The following ARHGEF2 variants were observed in gnomAD, a reference collection of about 807,000 sequenced individuals.
The protein encoded by ARHGEF2 is rho guanine nucleotide exchange factor 2.
Under a neutral mutation model 121.0 loss-of-function variants are expected in ARHGEF2, and 22 were observed. That is an observed-to-expected ratio of 0.18 (90% confidence interval 0.13 to 0.26). ARHGEF2 has a LOEUF of 0.26. Among genes scored for constraint, ARHGEF2 ranks in the 10% least tolerant of loss-of-function variants. The probability of loss-of-function intolerance (pLI) is 1.00; values close to 1 mark genes in which losing one functional copy is unlikely to be tolerated. For missense variants in ARHGEF2, 907 were observed against 1,336.0 expected (o/e 0.68, Z 5.01); for synonymous variants, 487 against 530.0 (o/e 0.92, Z 1.11).
chr1:155,950,359 G>A lies in ARHGEF2; in HGVS notation c.2827C>T (p.Pro943Ser). 6.2e-7 allele frequency: 1 copy of A among 1,613,918 alleles called. No individual in the cohort carries two copies. Among genetic ancestry groups the A allele is most frequent in the South Asian group, 1.1e-5 (1 of 91,086 alleles). ...CCTTCCTCCTCGCTGCCAGTGTCAG[G>A]GTCACTGCTGTCTTGCAGCCGCTCT... Reference protein sequence around the residue: ...PEERLQDSSDPDTGSEEEGSS... With the variant: ...PEERLQDSSDSDTGSEEEGSS... Residue 943 changes from proline to serine, a missense_variant, in exon 21 of 22, where the codon CCT (proline) becomes TCT (serine). Around this residue, in one of 2 missense-constraint regions of ARHGEF2, gnomAD observed 432 missense variants for 559.5 expected, o/e 0.77. Transcript: ENST00000361247. This position sits in a 1 kb window ranked among gnomAD's most constrained non-coding sequence, Gnocchi z 5.2.
chr1:155,950,525 T>G lies in ARHGEF2; in HGVS notation c.2704-43A>C. 6.3e-7 allele frequency: 1 copy of G among 1,590,530 alleles called. No individual in the cohort carries two copies. The highest frequency in any genetic ancestry group is 8.6e-7 in the Non-Finnish European group (1 of 1,162,050). On this transcript the variant is annotated intron_variant, in intron 20 of 21. Coordinates refer to ENST00000361247, the MANE Select transcript of ARHGEF2 (RefSeq NM_001162383.2). The surrounding 1 kb of genome is among the most constrained non-coding windows in gnomAD (Gnocchi z 5.2). ...GAAGAACAGCAGGTCAGGGACTGAG[T>G]AGTGTGAAGATTGGAGGTTCTGCTT...
intron 7 of ARHGEF2, 152 bp from the exon 8 acceptor site, chr1:155,963,335 CATTTTT>C (rs1678358408): frequency 2.2e-6 from 1 of 458,070 alleles, no homozygotes; most frequent in African/African-American, 2.1e-5. Context: ...CTTTTCTAAT[CATTTTT>C]ATCTTTTTTT....
intron 1 of ARHGEF2, among the ~76,000 whole-genome samples, chr1:155,975,703 G>A (rs375020438): frequency 1.3e-5 from 2 of 152,166 alleles, no homozygotes; most frequent in African/African-American, 4.8e-5. Context: ...AGAAATAGTC[G>A]CTCTGCACAC....
chr1:155,964,984 T>G lies in ARHGEF2; in HGVS notation c.724+4A>C. The G allele has an allele frequency of 6.2e-7, 1 of 1,613,538 alleles. No homozygotes were observed. Among genetic ancestry groups the G allele is most frequent in the Non-Finnish European group, 8.5e-7 (1 of 1,179,632 alleles). On this transcript the variant is annotated splice_donor_region_variant and intron_variant, in intron 7 of 21. Coordinates refer to ENST00000361247, the MANE Select transcript of ARHGEF2 (RefSeq NM_001162383.2). ...AGAGGAAGACTAGGGTGGTCTTGGCTTACCATAGATGACATCTTGCTGCTT... is the reference window on the plus strand; with the variant it reads ...AGAGGAAGACTAGGGTGGTCTTGGCGTACCATAGATGACATCTTGCTGCTT...
At chr1:155,954,653 C>T (rs1676311354) in intron 14 of ARHGEF2, among the ~76,000 whole-genome samples, 1 of 137,170 alleles carries the variant, frequency 7.3e-6, no homozygotes, top group African/African-American at 2.6e-5. Flanking sequence ...AAATCATACC[C>T]TAACTAATAT....
chr1:155,956,832 TGTA>T (rs1162466353), intron 13 of ARHGEF2, among the ~76,000 whole-genome samples: 1 of 145,122 alleles, frequency 6.9e-6, no homozygotes, highest in East Asian at 2.0e-4. Context: ...GGCGTGAGCC[TGTA>T]GTCCCAGCTA....
chr1:155,972,580 A>G (rs1680661068), intron 1 of ARHGEF2, among the ~76,000 whole-genome samples: 1 of 152,114 alleles, frequency 6.6e-6, no homozygotes, highest in African/African-American at 2.4e-5. Flanking sequence ...TTTACCTCCA[A>G]GACCCAACCT....
intron 2 of ARHGEF2, among the ~76,000 whole-genome samples, chr1:155,967,548 A>C (rs1679662983): frequency 6.6e-6 from 1 of 152,082 alleles, no homozygotes; most frequent in African/African-American, 2.4e-5. Context: ...GCTGGGCCTC[A>C]GCAGCTCCAA....
At chr1:155,968,198 CTTTCT>C (rs1327865571) in intron 2 of ARHGEF2, 94 of 95,896 alleles carry the variant, frequency 9.8e-4, no homozygotes, top group African/African-American at 3.1e-3. Context: ...GTTTTCTTTT[CTTTCT>C]TTTTTTTTTT....
chr1:155,975,863 C>A (rs1355783455), intron 1 of ARHGEF2, among the ~76,000 whole-genome samples: 2 of 151,986 alleles, frequency 1.3e-5, no homozygotes, highest in African/African-American at 4.8e-5. Flanking sequence ...AAGGGAAGAA[C>A]AGGGGACTAA....
At position 155,947,798 on chromosome 1, in the gene ARHGEF2, A is replaced by C; in HGVS notation, c.*144T>G. The C allele has an allele frequency of 1.7e-6, 1 of 587,048 alleles. No individual in the cohort carries two copies. The highest frequency in any genetic ancestry group is 2.9e-5 in the East Asian group (1 of 34,364). 36.4% of individuals were successfully genotyped at this position (587,048 alleles called of 1,614,324 possible). On this transcript the variant is annotated 3_prime_UTR_variant, in exon 22 of 22. Transcript: ENST00000361247. ...TTCCCCTAGCTTCTTAAATGGCCCC[A>C]GGTATCCAAGGATCCCAAGAGCTGG...
intron 1 of ARHGEF2, among the ~76,000 whole-genome samples, chr1:155,973,736 A>G (rs968450424): frequency 1.3e-5 from 2 of 150,518 alleles, no homozygotes; most frequent in Non-Finnish European, 3.0e-5. Context: ...ACAGAGCGAG[A>G]CTCTGTCTCA....
rs775713780 is a variant in ARHGEF2 at position 155,965,370 on chromosome 1, G to A, written c.513C>T (p.Leu171=). ...DESPLGLRRI[L]SQSTDSLNMR... ...TGTTGAGGGAGTCTGTGGACTGTGA[G>A]AGGATCCGGCGCAGCCCCAGGGGAG... is the stretch of plus-strand genomic sequence containing the variant. The change falls in exon 6 of 22, where the codon CTC becomes CTT. Residue 171 remains leucine, a synonymous_variant. Coordinates refer to ENST00000361247, the MANE Select transcript of ARHGEF2 (RefSeq NM_001162383.2). This position sits in a 1 kb window ranked among gnomAD's most constrained non-coding sequence, Gnocchi z 6.0. The A allele has an allele frequency of 3.2e-5, 51 of 1,614,098 alleles. No individual in the cohort carries two copies. The highest frequency in any genetic ancestry group is 4.1e-5 in the Non-Finnish European group (48 of 1,180,042).
At chr1:155,970,837 T>A in intron 1 of ARHGEF2, 5 of 986,374 alleles carry the variant, frequency 5.1e-6, no homozygotes, top group Non-Finnish European at 6.0e-6. Context: ...TTCCTGCCTC[T>A]CTTCCCAAGC....
rs762803855 is a variant in ARHGEF2 at position 155,978,436 on chromosome 1, G to T, written c.-9C>A. 6.1e-6 allele frequency: 9 copies of T among 1,486,592 alleles called. No individual in the cohort carries two copies. Among genetic ancestry groups the T allele is most frequent in the Non-Finnish European group, 8.2e-6 (9 of 1,103,792 alleles). 92.1% of individuals were successfully genotyped at this position (1,486,592 alleles called of 1,614,324 possible). A position where few individuals can be genotyped will look rare whatever the true frequency, so the allele number is the denominator to read the frequency against. ...GATTCGATCCGAGACATAATCGGAC[G>T]GGGGGACCAGGGAGGACGCGGCGCG... is the stretch of plus-strand genomic sequence containing the variant. On this transcript the variant is annotated 5_prime_UTR_variant, in exon 1 of 22. Transcript: ENST00000361247. The surrounding 1 kb of genome is among the most constrained non-coding windows in gnomAD (Gnocchi z 4.1).
chr1:155,978,634 A>T, upstream of ARHGEF2: 1 of 1,215,846 alleles, frequency 8.2e-7, no homozygotes. The surrounding 1 kb of genome is among the most constrained non-coding windows in gnomAD (Gnocchi z 4.1). Flanking sequence ...GAGCGGAGGG[A>T]GGGCGGGGTG....
chr1:155,978,656 G>A (rs933968061), upstream of ARHGEF2: 15 of 1,157,562 alleles, frequency 1.3e-5, no homozygotes, highest in Non-Finnish European at 1.6e-5. This position sits in a 1 kb window ranked among gnomAD's most constrained non-coding sequence, Gnocchi z 4.1. Context: ...CCGCGCGCAG[G>A]ACGGGACGCC....
chr1:155,969,699 G>A (rs1270112477), intron 1 of ARHGEF2: 4 of 1,010,798 alleles, frequency 4.0e-6, no homozygotes, highest in African/African-American at 3.4e-5. Context: ...GAGAGCAGGC[G>A]AAGCGGAGGG....
intron 11 of ARHGEF2, 34 bp from the exon 12 acceptor site, chr1:155,958,430 A>G: frequency 6.4e-7 from 1 of 1,568,506 alleles, no homozygotes; most frequent in Non-Finnish European, 8.8e-7. Context: ...AACAGTCAGC[A>G]CTAGACGGTC....
Sources: allele counts gnomAD v4.1 joint callset (sites outside exome capture counted in the v4.1 genomes callset), GRCh38; gene constraint gnomAD v4.1.1; regional missense constraint gnomAD v4.1.1; non-coding constraint Gnocchi (gnomAD v3.1); transcripts MANE v1.5; gene names NCBI Gene and HGNC (gene_info 2026-07-23, HGNC 2026-07-21).